SUCLG2: variants seen among roughly 807,000 people sequenced by gnomAD.
SUCLG2 encodes succinate-CoA ligase GDP-forming subunit beta.
In SUCLG2, 42 loss-of-function variants were observed where a neutral mutation model predicts 47.9. The ratio of observed to expected loss-of-function variants is 0.88; its 90% CI spans 0.69 to 1.14. The LOEUF is 1.14. Among genes scored for constraint, SUCLG2 ranks in the 50% most tolerant of loss-of-function variants. The pLI is 0.00. For missense variants in SUCLG2, 571 were observed against 525.9 expected, an observed-to-expected ratio of 1.09 and a Z score of -0.84; for synonymous variants, 195 against 197.3, an observed-to-expected ratio of 0.99 and a Z score of 0.10.
intron 10 of SUCLG2, among the ~76,000 whole-genome samples, chr3:67,369,444 G>C (rs1421193225): frequency 6.6e-6 from 1 of 152,018 alleles, no homozygotes; most frequent in Non-Finnish European, 1.5e-5. Flanking sequence ...CTGATATATT[G>C]TGTGCTAATT....
At chr3:67,626,062 C>G (rs1700823723) in intron 1 of SUCLG2, among the ~76,000 whole-genome samples, 13 of 151,466 alleles carry the variant, frequency 8.6e-5, no homozygotes, top group Admixed American at 8.6e-4. Flanking sequence ...CTCTGTCGCC[C>G]AGGCTGGAGT....
rs187805310 is a variant in SUCLG2 at position 67,367,958 on chromosome 3, T to C, written c.1184-7190A>G. 2.0e-5 allele frequency among the ~76,000 whole-genome samples: 3 copies of C among 152,324 alleles called. No homozygotes were observed. The East Asian group carries it at 5.8e-4, about 29-fold the overall frequency. On this transcript the variant is annotated intron_variant, in intron 10 of 10. Transcript: ENST00000493112. Reference sequence around the variant, plus strand: ...TCTTTTGCAGCATATATTATGAACATTCTTTCACAAAAACGTATATGTTTA... The same window carrying C: ...TCTTTTGCAGCATATATTATGAACACTCTTTCACAAAAACGTATATGTTTA...
chr3:67,628,771 C>G (rs1700878251), intron 1 of SUCLG2, among the ~76,000 whole-genome samples: 1 of 152,186 alleles, frequency 6.6e-6, no homozygotes, highest in Admixed American at 6.5e-5. Context: ...GCCTCCCCAG[C>G]CATGTGGAAC....
intron 2 of SUCLG2, among the ~76,000 whole-genome samples, chr3:67,538,054 T>C (rs1020981597): frequency 1.3e-5 from 2 of 152,382 alleles, no homozygotes; most frequent in Non-Finnish European, 2.9e-5. Flanking sequence ...TCTTTTGCTG[T>C]ACAGAAGCTC....
intron 2 of SUCLG2, among the ~76,000 whole-genome samples, chr3:67,577,382 A>T: frequency 6.6e-6 from 1 of 152,178 alleles, no homozygotes; most frequent in East Asian, 1.9e-4. Flanking sequence ...AATATTCTCT[A>T]CTACAAAATA....
intron 9 of SUCLG2, among the ~76,000 whole-genome samples, chr3:67,409,849 C>A (rs901223335): frequency 2.9e-4 from 44 of 152,220 alleles, no homozygotes; most frequent in African/African-American, 9.9e-4. Context: ...TATAGCTTAA[C>A]AGGTTAAAAA....
chr3:67,646,749 G>C (rs1268324354), intron 1 of SUCLG2, among the ~76,000 whole-genome samples: 1 of 152,140 alleles, frequency 6.6e-6, no homozygotes, highest in East Asian at 1.9e-4. Context: ...CGGGCAGTCT[G>C]ATTCCACTCA....
chr3:67,581,358 T>C (rs949603980), intron 2 of SUCLG2, among the ~76,000 whole-genome samples: 6 of 152,168 alleles, frequency 3.9e-5, no homozygotes, highest in Non-Finnish European at 5.9e-5. Flanking sequence ...ATGGTCAACA[T>C]AATGGGGCTG....
intron 2 of SUCLG2, among the ~76,000 whole-genome samples, chr3:67,587,415 C>T (rs1164243732): frequency 6.6e-6 from 1 of 152,226 alleles, no homozygotes; most frequent in East Asian, 1.9e-4. Context: ...CATATTGCGT[C>T]TGCAGTCAGC....
intron 10 of SUCLG2, among the ~76,000 whole-genome samples, chr3:67,394,999 C>T (rs187820212): frequency 0.12 from 17,826 of 151,962 alleles, 1,489 homozygotes; most frequent in Middle Eastern, 0.29. Flanking sequence ...ACCAGGCCTG[C>T]CCTAAAAGAT....
intron 10 of SUCLG2, among the ~76,000 whole-genome samples, chr3:67,396,628 C>T (rs867777136): frequency 7.8e-4 from 119 of 152,078 alleles, no homozygotes; most frequent in African/African-American, 1.8e-3. Context: ...TCTGAAACTA[C>T]TCTAATCAAT....
At chr3:67,631,520 G>C (rs965704911) in intron 1 of SUCLG2, among the ~76,000 whole-genome samples, 1 of 152,070 alleles carries the variant, frequency 6.6e-6, no homozygotes, top group African/African-American at 2.4e-5. Context: ...CCAGCTACTC[G>C]GGAGGCTGAG....
At chr3:67,516,469 T>G (rs559225543) in intron 6 of SUCLG2, among the ~76,000 whole-genome samples, 1 of 152,224 alleles carries the variant, frequency 6.6e-6, no homozygotes, top group Non-Finnish European at 1.5e-5. Flanking sequence ...CTCTCTATTA[T>G]GTTCACCTCC....
chr3:67,377,811 G>A (rs2087554), intron 10 of SUCLG2, among the ~76,000 whole-genome samples: 98,022 of 151,974 alleles, frequency 0.64, 31,805 homozygotes, highest in South Asian at 0.75. Flanking sequence ...ACATCACCAC[G>A]CCCAGCTATT....
intron 9 of SUCLG2, among the ~76,000 whole-genome samples, chr3:67,431,517 A>G (rs1703479355): frequency 6.6e-6 from 1 of 152,206 alleles, no homozygotes; most frequent in Admixed American, 6.5e-5. Context: ...GACTGGATTA[A>G]GAAAATGTGG....
rs937957919 is a variant in SUCLG2 at position 67,394,182 on chromosome 3, G to C, written c.1183+6549C>G. On this transcript the variant is annotated intron_variant, in intron 10 of 10. Transcript: ENST00000307227. ...ACAAAGCTGGACGGAGAATGACTTT[G>C]ACGAGTTGAGAGAAGAAGGATTCAG... 4.4e-4 allele frequency among the ~76,000 whole-genome samples: 67 copies of C among 152,300 alleles called. 1 individual carries two copies. Among genetic ancestry groups the C allele is most frequent in the African/African-American group, 1.5e-3 (64 of 41,566 alleles).
intron 9 of SUCLG2, among the ~76,000 whole-genome samples, chr3:67,459,590 G>C (rs1236902655): frequency 6.6e-6 from 1 of 152,174 alleles, no homozygotes; most frequent in Non-Finnish European, 1.5e-5. Flanking sequence ...GGGAAGAACA[G>C]AACTATTGGA....
intron 10 of SUCLG2, among the ~76,000 whole-genome samples, chr3:67,399,502 A>C (rs7652000): frequency 0.072 from 10,985 of 152,262 alleles, 406 homozygotes; most frequent in Middle Eastern, 0.15. Flanking sequence ...GTGGCTGATA[A>C]AATTTGCACT....
rs150501907 is a variant in SUCLG2, at chr3:67,464,775, A to G, written c.1062+31023T>C. On this transcript the variant is annotated intron_variant, in intron 9 of 10. Coordinates refer to ENST00000307227, the MANE Select transcript of SUCLG2 (RefSeq NM_003848.4). ...CCCTACTTTACTTTGTCTTTTAGAA[A>G]TCAGTTGCTTGTAATCTCTGAGACA... Among the ~76,000 whole-genome samples the G allele has an allele frequency of 4.5e-3, 679 of 152,338 alleles. 11 individuals carry two copies. In the East Asian group the frequency reaches 0.059, roughly 13 times the overall value.
Sources: allele counts gnomAD v4.1 joint callset (sites outside exome capture counted in the v4.1 genomes callset), GRCh38; gene constraint gnomAD v4.1.1; transcripts MANE v1.5; gene names NCBI Gene and HGNC (gene_info 2026-07-23, HGNC 2026-07-21).